The following NCOR2 variants were observed in gnomAD, a reference collection of about 807,000 sequenced individuals.
The protein encoded by NCOR2 is nuclear receptor corepressor 2.
A neutral mutation model predicts 262.9 loss-of-function variants in NCOR2; 81 were observed. The ratio of observed to expected loss-of-function variants is 0.31; its 90% CI spans 0.26 to 0.37. The LOEUF is 0.37. NCOR2 is among the 10% of genes least tolerant of loss of function. The pLI is 1.00. For missense variants in NCOR2, 3,385 were observed against 3,621.4 expected (o/e 0.93, Z 1.68); for synonymous variants, 1,659 against 1,559.3 (o/e 1.06, Z -1.51).
rs370837121 is a variant in NCOR2, at chr12:124,378,328, C to T, written c.2076G>A (p.Glu692=). 3.1e-6 allele frequency: 5 copies of T among 1,613,992 alleles called. No homozygotes were observed. Among genetic ancestry groups the T allele is most frequent in the Admixed American group, 1.7e-5 (1 of 60,020 alleles). The change falls in exon 18 of 47, where the codon GAG becomes GAA. Residue 692 remains glutamate (E), a synonymous_variant. Coordinates refer to ENST00000405201, the Ensembl canonical transcript of NCOR2. This position sits in a 1 kb window ranked among gnomAD's most constrained non-coding sequence, Gnocchi z 4.2. ...CCACCACGGGCGGGAATGCAGCCTC[C>T]TCGCTGGCCGCCGCCGGCGCTTTCT...
chr12:124,357,624 T>C (rs1410093534), intron 22 of NCOR2, among the ~76,000 whole-genome samples: 1 of 152,272 alleles, frequency 6.6e-6, no homozygotes, highest in Non-Finnish European at 1.5e-5. Flanking sequence ...AATACGCTTT[T>C]ACTGGAGCGT....
At position 124,486,587 on chromosome 12, in the gene NCOR2, G is replaced by A; in HGVS notation, c.106-19C>T. The A allele has an allele frequency of 1.3e-6, 2 of 1,556,200 alleles. No homozygotes were observed. Among genetic ancestry groups the A allele is most frequent in the South Asian group, 1.2e-5 (1 of 85,038 alleles). ...CGACGTCCTGCAGGAGGGGACAGAG[G>A]AGTGGTGAGCGTGGGCGGGCACGGG... On this transcript the variant is annotated intron_variant, in intron 1 of 46. Transcript: ENST00000405201.
In NCOR2 at chr12:124,378,887, T is replaced by C. The variant is rs2040208009; in HGVS notation, c.2020-503A>G. Among the ~76,000 whole-genome samples, 1 of 151,832 alleles carries C rather than the reference T, an allele frequency of 6.6e-6. No homozygotes were observed. The highest frequency in any genetic ancestry group is 1.5e-5 in the Non-Finnish European group (1 of 67,896). On this transcript the variant is annotated intron_variant, in intron 17 of 46. Transcript: ENST00000405201. This position sits in a 1 kb window ranked among gnomAD's most constrained non-coding sequence, Gnocchi z 4.2. ...TGCCCAGCTCTGCATACCAGGGCTG[T>C]GGGGACACAAGGCACGGGGTAGACA...
intron 5 of NCOR2, among the ~76,000 whole-genome samples, chr12:124,462,347 A>G (rs181986601): frequency 6.6e-6 from 1 of 152,252 alleles, no homozygotes; most frequent in Admixed American, 6.5e-5. Context: ...CTCACCCAAG[A>G]AGCCCCAAGC....
At chr12:124,557,771 G>A (rs1036185547) in intron 1 of NCOR2, among the ~76,000 whole-genome samples, 4 of 152,224 alleles carry the variant, frequency 2.6e-5, no homozygotes, top group East Asian at 3.9e-4. Flanking sequence ...AACTTCTCCC[G>A]CTTGCCTTCC....
intron 6 of NCOR2, among the ~76,000 whole-genome samples, chr12:124,452,820 C>T (rs1267865275): frequency 1.3e-5 from 2 of 152,196 alleles, no homozygotes; most frequent in African/African-American, 2.4e-5. Flanking sequence ...GATAGGGACA[C>T]AGCCCCTGCT....
rs1555301107 is a variant in NCOR2, at chr12:124,340,193, T to TG, written c.5499_5500insC (p.Ser1834GlnfsTer193). On this transcript the variant is annotated frameshift_variant, in exon 37 of 47. Coordinates refer to ENST00000405201, the Ensembl canonical transcript of NCOR2. LOFTEE classifies it high-confidence loss of function. ...CCACCCCCGCCGCTGCTGCCGCTGC[T>TG]CTGCTCTGTACCTGGTGACAGTCAG... 9.4e-6 allele frequency: 15 copies of TG among 1,599,370 alleles called. No homozygotes were observed. The highest frequency in any genetic ancestry group is 5.1e-5 in the Admixed American group (3 of 58,832).
intron 32 of NCOR2, among the ~76,000 whole-genome samples, chr12:124,343,455 GA>G (rs1248345707): frequency 6.6e-6 from 1 of 152,106 alleles, no homozygotes; most frequent in Non-Finnish European, 1.5e-5. Flanking sequence ...AAAAAATATT[GA>G]TGCAGCCTCT....
intron 30 of NCOR2, among the ~76,000 whole-genome samples, chr12:124,347,074 A>G (rs1481521751): frequency 6.6e-6 from 1 of 152,252 alleles, no homozygotes; most frequent in African/African-American, 2.4e-5. Context: ...GAAATCATGA[A>G]GCTAAAACCA....
At chr12:124,475,138 C>T (rs2047036745) in intron 3 of NCOR2, among the ~76,000 whole-genome samples, 1 of 152,158 alleles carries the variant, frequency 6.6e-6, no homozygotes, top group Non-Finnish European at 1.5e-5. Flanking sequence ...GATGTGGGGG[C>T]AAGGACAGCA....
chr12:124,420,269 T>C (rs1025002486), intron 12 of NCOR2, among the ~76,000 whole-genome samples: 1 of 152,168 alleles, frequency 6.6e-6, no homozygotes, highest in South Asian at 2.1e-4. Flanking sequence ...AAAGATCAGA[T>C]CAGTTAATAC....
intron 1 of NCOR2, among the ~76,000 whole-genome samples, chr12:124,490,827 C>T (rs2048045371): frequency 6.6e-6 from 1 of 152,262 alleles, no homozygotes; most frequent in Non-Finnish European, 1.5e-5. Flanking sequence ...AGCATGCAGA[C>T]CTCTGGGGTT....
intron 1 of NCOR2, among the ~76,000 whole-genome samples, chr12:124,488,582 A>G (rs2047905859): frequency 6.6e-6 from 1 of 152,036 alleles, no homozygotes; most frequent in Admixed American, 6.6e-5. Context: ...CTAGCACAAG[A>G]CTCTAGGTGC....
chr12:124,514,879 CA>C (rs1320285616), intron 1 of NCOR2: 5 of 150,768 alleles, frequency 3.3e-5, no homozygotes, highest in African/African-American at 9.8e-5. Flanking sequence ...GGCCCATGAT[CA>C]GGGGCCCCAA....
chr12:124,511,524 G>T (rs1328200137), intron 1 of NCOR2, among the ~76,000 whole-genome samples: 1 of 152,198 alleles, frequency 6.6e-6, no homozygotes, highest in East Asian at 1.9e-4. Context: ...GGGCGTCCGG[G>T]GCCTGGGGCA....
chr12:124,431,357 A>T (rs939503606), intron 8 of NCOR2, among the ~76,000 whole-genome samples: 4 of 151,778 alleles, frequency 2.6e-5, no homozygotes, highest in Admixed American at 2.6e-4. Flanking sequence ...CACACAGTAG[A>T]CACACAGTCA....
rs537103706 is a variant in NCOR2 at position 124,348,742 on chromosome 12, G to A, written c.3845-428C>T. ...GGATGTGTGGCAGGCAGGAGCACAC[G>A]TGCACCGATACATCAGCAGCAGAGT... is the stretch of plus-strand genomic sequence containing the variant. On this transcript the variant is annotated intron_variant, in intron 28 of 46. Transcript: ENST00000405201. 2.5e-3 allele frequency: 491 copies of A among 193,262 alleles called. 2 individuals are homozygous for A. The highest frequency in any genetic ancestry group is 0.011 in the African/African-American group (477 of 42,492). 12.0% of individuals were successfully genotyped at this position (193,262 alleles called of 1,614,324 possible).
intron 1 of NCOR2, among the ~76,000 whole-genome samples, chr12:124,553,636 C>T (rs993252398): frequency 6.6e-6 from 1 of 152,258 alleles, no homozygotes; most frequent in Non-Finnish European, 1.5e-5. Flanking sequence ...GCCCTGTGGC[C>T]TAACACTAGA....
At chr12:124,512,994 G>A (rs1006963877) in intron 1 of NCOR2, among the ~76,000 whole-genome samples, 1 of 152,166 alleles carries the variant, frequency 6.6e-6, no homozygotes, top group Admixed American at 6.5e-5. Flanking sequence ...GTGTCAACAG[G>A]GGAGCAAATC....
Sources: gnomAD v4.1 joint callset for allele counts (sites outside exome capture counted in the v4.1 genomes callset) on GRCh38, gnomAD v4.1.1 for gene constraint, Gnocchi (gnomAD v3.1) non-coding constraint, MANE v1.5 for transcripts, NCBI Gene and HGNC (gene_info 2026-07-23, HGNC 2026-07-21) for gene names.